ROBO2: variants seen among roughly 807,000 people sequenced by gnomAD.
ROBO2 encodes roundabout guidance receptor 2, also known as roundabout homolog 2.
In ROBO2, 53 loss-of-function variants were observed where a neutral mutation model predicts 160.8. The ratio of observed to expected loss-of-function variants is 0.33; its 90% CI spans 0.26 to 0.41. ROBO2 has a LOEUF of 0.41. Ranked by LOEUF, ROBO2 falls within the 10% of genes least tolerant of loss-of-function variation. ROBO2 has a pLI of 1.00. For synonymous variants in ROBO2, 664 were observed against 611.7 expected, an observed-to-expected ratio of 1.09 and a Z score of -1.26; for missense variants, 1,577 against 1,722.4, an observed-to-expected ratio of 0.92 and a Z score of 1.49.
rs772196827 is a variant in ROBO2, at chr3:76,194,353, AAT to A, written c.109+256783_109+256784del. Among the ~76,000 whole-genome samples, 375 of 94,514 alleles carry A rather than the reference AAT, an allele frequency of 4.0e-3. 9 individuals are homozygous for A. Among genetic ancestry groups the A allele is most frequent in the East Asian group, 0.03 (105 of 3,546 alleles). The allele number at this position is 94,514 out of a possible 152,430, so 62.0% of individuals were successfully genotyped here. A position where few individuals can be genotyped will look rare whatever the true frequency, so the allele number is the denominator to read the frequency against. On this transcript the variant is annotated intron_variant, in intron 2 of 26. Transcript: ENST00000487694. ...TCTATATAAATATGTATGGTGTGTA[AAT>A]ATATATATATATATATATATATATA...
intron 2 of ROBO2, among the ~76,000 whole-genome samples, chr3:76,035,201 T>C (rs1405759762): frequency 6.6e-6 from 1 of 151,718 alleles, no homozygotes; most frequent in Non-Finnish European, 1.5e-5. Flanking sequence ...TTTTTTTTTT[T>C]TTTCTAAATC....
At chr3:77,367,065 A>G (rs762463836) in intron 2 of ROBO2, among the ~76,000 whole-genome samples, 2 of 152,112 alleles carry the variant, frequency 1.3e-5, no homozygotes, top group African/African-American at 2.4e-5. Context: ...ATGACAGCTC[A>G]AACAGATTTA....
At chr3:77,468,908 C>T (rs1029791729) in intron 2 of ROBO2, among the ~76,000 whole-genome samples, 4 of 152,102 alleles carry the variant, frequency 2.6e-5, no homozygotes, top group East Asian at 1.9e-4. Flanking sequence ...CAGCGGCCCC[C>T]GGATGTCTCC....
chr3:76,028,494 A>G (rs2107694401), intron 2 of ROBO2, among the ~76,000 whole-genome samples: 1 of 152,136 alleles, frequency 6.6e-6, no homozygotes, highest in Non-Finnish European at 1.5e-5. Context: ...GAACTCCAGG[A>G]TCATAAGAGA....
intron 2 of ROBO2, among the ~76,000 whole-genome samples, chr3:76,548,636 A>ATT (rs5850259): frequency 0.085 from 12,499 of 146,718 alleles, 746 homozygotes; most frequent in East Asian, 0.24. Flanking sequence ...CAGAGGGAGG[A>ATT]TTTTTTTTTT....
intron 2 of ROBO2, among the ~76,000 whole-genome samples, chr3:77,377,217 A>G (rs963896175): frequency 5.3e-5 from 8 of 152,190 alleles, no homozygotes; most frequent in African/African-American, 1.9e-4. Flanking sequence ...AAAGGAATAA[A>G]ATTCAAAATT....
At chr3:76,284,119 A>G (rs752789131) in intron 2 of ROBO2, among the ~76,000 whole-genome samples, 15 of 152,190 alleles carry the variant, frequency 9.9e-5, no homozygotes, top group Non-Finnish European at 2.2e-4. Flanking sequence ...TCACCTTTAA[A>G]AAATATAGAT....
intron 2 of ROBO2, among the ~76,000 whole-genome samples, chr3:76,298,047 A>G (rs1709169783): frequency 6.6e-6 from 1 of 152,196 alleles, no homozygotes; most frequent in Non-Finnish European, 1.5e-5. Flanking sequence ...GAAAATATTC[A>G]TTAGTCCCAG....
intron 2 of ROBO2, among the ~76,000 whole-genome samples, chr3:76,149,736 TA>T (rs1189150906): frequency 1.5e-5 from 2 of 132,272 alleles, no homozygotes; most frequent in African/African-American, 5.2e-5. Context: ...CACATCTGTC[TA>T]AAGCACACAT....
chr3:76,435,433 A>G (rs928647417), intron 2 of ROBO2: 5 of 774,550 alleles, frequency 6.5e-6, no homozygotes, highest in African/African-American at 3.4e-5. Context: ...GGATAGGCAA[A>G]GTGTCTCTGG....
intron 2 of ROBO2, among the ~76,000 whole-genome samples, chr3:76,161,661 CA>C (rs2072644265): frequency 6.6e-6 from 1 of 152,116 alleles, no homozygotes; most frequent in South Asian, 2.1e-4. Context: ...CTGAGTCCCT[CA>C]GGCATATTAG....
chr3:77,266,666 C>T (rs1014010563), intron 2 of ROBO2, among the ~76,000 whole-genome samples: 1 of 152,248 alleles, frequency 6.6e-6, no homozygotes, highest in Middle Eastern at 3.4e-3. Context: ...CCCTGATCTA[C>T]TAATTCTTGC....
intron 2 of ROBO2, among the ~76,000 whole-genome samples, chr3:76,646,578 A>G (rs2090979334): frequency 6.6e-6 from 1 of 152,224 alleles, no homozygotes; most frequent in African/African-American, 2.4e-5. Flanking sequence ...AAGATTAAAT[A>G]TGAATATGCA....
chr3:76,837,488 A>G (rs1056483337), intron 2 of ROBO2, among the ~76,000 whole-genome samples: 17 of 151,648 alleles, frequency 1.1e-4, no homozygotes, highest in African/African-American at 4.1e-4. Flanking sequence ...CGGTGTTCCT[A>G]TCATTTTACA....
At chr3:76,686,114 C>T (rs2092680241) in intron 2 of ROBO2, among the ~76,000 whole-genome samples, 1 of 152,066 alleles carries the variant, frequency 6.6e-6, no homozygotes, top group African/African-American at 2.4e-5. Context: ...TCCCTTTGAT[C>T]TTCAGTTTAG....
chr3:77,519,866 C>T (rs1453767781), intron 5 of ROBO2, among the ~76,000 whole-genome samples: 1 of 151,224 alleles, frequency 6.6e-6, no homozygotes, highest in African/African-American at 2.4e-5. Context: ...ACTGCTTTCC[C>T]CAATGTCTGA....
chr3:76,586,908 G>A (rs985708780), intron 2 of ROBO2, among the ~76,000 whole-genome samples: 79 of 152,358 alleles, frequency 5.2e-4, no homozygotes, highest in African/African-American at 1.7e-3. Flanking sequence ...CAACTCAGAA[G>A]CTGATGCTCA....
intron 2 of ROBO2, among the ~76,000 whole-genome samples, chr3:76,072,757 G>C (rs2068504489): frequency 6.6e-6 from 1 of 152,090 alleles, no homozygotes; most frequent in Non-Finnish European, 1.5e-5. Flanking sequence ...TGAAACATAA[G>C]AGATGACAGA....
chr3:76,474,903 C>A (rs1239704440), intron 2 of ROBO2, among the ~76,000 whole-genome samples: 3 of 152,016 alleles, frequency 2.0e-5, no homozygotes, highest in Non-Finnish European at 4.4e-5. Flanking sequence ...CTCTTAGAAT[C>A]CACAGGCTAT....
Sources: gnomAD v4.1 joint callset for allele counts (sites outside exome capture counted in the v4.1 genomes callset) on GRCh38, gnomAD v4.1.1 for gene constraint, MANE v1.5 for transcripts, NCBI Gene and HGNC (gene_info 2026-07-23, HGNC 2026-07-21) for gene names.